The following LMBR1 variants were observed in gnomAD, a reference collection of about 807,000 sequenced individuals.
The protein encoded by LMBR1 is limb development membrane protein 1.
Under a neutral mutation model 73.9 loss-of-function variants are expected in LMBR1, and 52 were observed. The observed-to-expected ratio is 0.70, with a 90% CI of 0.56 to 0.89. The LOEUF is 0.89. Among genes scored for constraint, LMBR1 ranks in the 40% least tolerant of loss-of-function variants. The pLI, the probability that LMBR1 is intolerant of heterozygous loss-of-function variation, is 0.00. For synonymous variants in LMBR1, 215 were observed against 209.4 expected (o/e 1.03, Z -0.23); for missense variants, 539 against 579.8 (o/e 0.93, Z 0.72).
chr7:156,745,593 A>C (rs1819704637), intron 9 of LMBR1, among the ~76,000 whole-genome samples: 1 of 152,262 alleles, frequency 6.6e-6, no homozygotes, highest in South Asian at 2.1e-4. Flanking sequence ...AGGAGGATTC[A>C]GAACAACAAC....
intron 1 of LMBR1, among the ~76,000 whole-genome samples, chr7:156,855,043 T>C (rs536727949): frequency 3.3e-4 from 51 of 152,280 alleles, no homozygotes; most frequent in African/African-American, 1.1e-3. Context: ...ATACGAAGCA[T>C]GCTCAAATGC....
At position 156,796,098 on chromosome 7, in the gene LMBR1, A is replaced by G. The variant is rs1272085196; in HGVS notation, c.423+291T>C. 2.6e-5 allele frequency among the ~76,000 whole-genome samples: 4 copies of G among 152,212 alleles called. No individual in the cohort carries two copies. The highest frequency in any genetic ancestry group is 9.6e-5 in the African/African-American group (4 of 41,460). ...ACTTTACTGTCACCTTAAACTAAAT[A>G]AGATACCCTAAGGAAAGAATAAAAG... On this transcript the variant is annotated intron_variant, in intron 5 of 16. Transcript: ENST00000353442.
chr7:156,866,081 T>TA (rs1798411284), intron 1 of LMBR1, among the ~76,000 whole-genome samples: 1 of 139,954 alleles, frequency 7.1e-6, no homozygotes, highest in African/African-American at 2.6e-5. Context: ...AAAAAAAAAA[T>TA]AGAGAAACTG....
chr7:156,845,752 T>C (rs138712259), intron 1 of LMBR1, among the ~76,000 whole-genome samples: 228 of 152,092 alleles, frequency 1.5e-3, no homozygotes, highest in African/African-American at 5.3e-3. Flanking sequence ...TGGGCTCAAG[T>C]GATCCCCCAC....
At chr7:156,832,921 T>A (rs1836940791) in intron 3 of LMBR1, among the ~76,000 whole-genome samples, 1 of 152,214 alleles carries the variant, frequency 6.6e-6, no homozygotes. Context: ...GATTCTGAAC[T>A]GGATCCTTTC....
intron 15 of LMBR1, among the ~76,000 whole-genome samples, chr7:156,706,369 C>G (rs1236083684): frequency 1.3e-5 from 2 of 152,038 alleles, no homozygotes; most frequent in Non-Finnish European, 2.9e-5. Context: ...GAAAAAAAAT[C>G]AGCAAAGAAA....
intron 1 of LMBR1, among the ~76,000 whole-genome samples, chr7:156,866,021 A>G (rs1010521547): frequency 1.3e-5 from 2 of 151,900 alleles, no homozygotes; most frequent in Admixed American, 6.6e-5. Context: ...ATGAACTTAC[A>G]GTTGGCAAGG....
chr7:156,816,175 TG>T (rs1029037383), intron 4 of LMBR1, among the ~76,000 whole-genome samples: 24 of 152,250 alleles, frequency 1.6e-4, no homozygotes, highest in African/African-American at 5.8e-4. Context: ...AAAAGCTAAA[TG>T]AAAAAAATAT....
intron 15 of LMBR1, among the ~76,000 whole-genome samples, chr7:156,713,347 T>C (rs931990881): frequency 3.3e-5 from 5 of 152,036 alleles, no homozygotes; most frequent in East Asian, 3.9e-4. Flanking sequence ...CCCAAACCCA[T>C]AGAATGTACA....
At chr7:156,734,970 T>C (rs2132508182) in intron 9 of LMBR1, among the ~76,000 whole-genome samples, 1 of 152,362 alleles carries the variant, frequency 6.6e-6, no homozygotes, top group East Asian at 1.9e-4. Flanking sequence ...GTCAATTATA[T>C]GTCCAAGTTG....
In LMBR1 at chr7:156,724,182, T is replaced by A. The variant is rs374148479; in HGVS notation, c.1159-4A>T. 1.2e-5 allele frequency: 19 copies of A among 1,608,850 alleles called. No homozygotes were observed. In the African/African-American group the frequency reaches 2.4e-4, roughly 20 times the overall value. On this transcript the variant is annotated splice_polypyrimidine_tract_variant and splice_region_variant and intron_variant, in intron 14 of 16. Coordinates refer to ENST00000353442, the MANE Select transcript of LMBR1 (RefSeq NM_022458.4). ...TGGACACACAATTTCCAATGATCTG[T>A]TATGAGAAACGAGAAAGAATATTGG...
intron 4 of LMBR1, chr7:156,822,503 T>G (rs1834949641): frequency 6.6e-6 from 1 of 151,848 alleles, no homozygotes; most frequent in Non-Finnish European, 1.5e-5. Flanking sequence ...TTACTGAAAA[T>G]GAAGCATAAA....
chr7:156,891,280 A>G (rs955215590), intron 1 of LMBR1, among the ~76,000 whole-genome samples: 2 of 148,956 alleles, frequency 1.3e-5, no homozygotes, highest in African/African-American at 4.9e-5. Context: ...ACACATATAT[A>G]TACACATATA....
At position 156,684,022 on chromosome 7, in the gene LMBR1, G is replaced by T; in HGVS notation, c.*56C>A. The T allele has an allele frequency of 7.3e-7, 1 of 1,371,750 alleles. No homozygotes were observed. The highest frequency in any genetic ancestry group is 1.0e-6 in the Non-Finnish European group (1 of 961,988). 85.0% of individuals were successfully genotyped at this position (1,371,750 alleles called of 1,614,324 possible). A position where few individuals can be genotyped will look rare whatever the true frequency, so the allele number is the denominator to read the frequency against. On this transcript the variant is annotated 3_prime_UTR_variant, in exon 17 of 17. Coordinates refer to ENST00000353442, the MANE Select transcript of LMBR1 (RefSeq NM_022458.4). ...AAATGCTTCTACATGGGACAGGAAT[G>T]TCGTGAATCTGGAGTTCTCGGGTCT... is the stretch of plus-strand genomic sequence containing the variant.
chr7:156,794,063 C>T (rs1460938638), intron 5 of LMBR1, among the ~76,000 whole-genome samples: 1 of 152,144 alleles, frequency 6.6e-6, no homozygotes, highest in Non-Finnish European at 1.5e-5. Flanking sequence ...TCTGCAGCAC[C>T]TATTACAACT....
At chr7:156,693,375 AT>A (rs922351312) in intron 15 of LMBR1, among the ~76,000 whole-genome samples, 28 of 152,198 alleles carry the variant, frequency 1.8e-4, no homozygotes, top group African/African-American at 6.5e-4. Context: ...CAAGAGTTGG[AT>A]TTTTTAAAAG....
intron 9 of LMBR1, among the ~76,000 whole-genome samples, chr7:156,755,454 G>A (rs1056659499): frequency 1.3e-5 from 2 of 152,168 alleles, no homozygotes; most frequent in African/African-American, 4.8e-5. Context: ...CAGAAATGGT[G>A]GCTACCTGAG....
intron 4 of LMBR1, among the ~76,000 whole-genome samples, chr7:156,797,764 A>C (rs529588779): frequency 6.6e-6 from 1 of 152,366 alleles, no homozygotes; most frequent in South Asian, 2.1e-4. Context: ...TTAGTAGACA[A>C]GGTAATATAA....
chr7:156,826,516 A>G (rs375502546), intron 4 of LMBR1, 89 bp downstream of exon 4: 2 of 928,494 alleles, frequency 2.2e-6, no homozygotes, highest in South Asian at 7.4e-5. Flanking sequence ...ACAAATTATG[A>G]AGAAAACTGA....
Sources: gnomAD v4.1 joint callset for allele counts (sites outside exome capture counted in the v4.1 genomes callset) on GRCh38, gnomAD v4.1.1 for gene constraint, MANE v1.5 for transcripts, NCBI Gene and HGNC (gene_info 2026-07-23, HGNC 2026-07-21) for gene names.